Variants in PIGN observed in about 807,000 individuals in gnomAD.
PIGN encodes phosphatidylinositol glycan anchor biosynthesis class N, also known as GPI ethanolamine phosphate transferase 1.
In PIGN, 117 loss-of-function variants were observed where a neutral mutation model predicts 125.4. The observed-to-expected ratio is 0.93, with a 90% CI of 0.80 to 1.09. The LOEUF is 1.09. Among genes scored for constraint, PIGN ranks in the 50% least tolerant of loss-of-function variants. PIGN has a pLI of 0.00. For synonymous variants in PIGN, 392 were observed against 377.8 expected, an observed-to-expected ratio of 1.04 and a Z score of -0.44; for missense variants, 1,075 against 1,094.9, an observed-to-expected ratio of 0.98 and a Z score of 0.26.
chr18:62,019,243 C>G (rs1331728921), intron 23 of PIGN, among the ~76,000 whole-genome samples: 1 of 152,174 alleles, frequency 6.6e-6, no homozygotes, highest in Non-Finnish European at 1.5e-5. Context: ...CATTCCACCT[C>G]TTTGATACAA....
intron 30 of PIGN, among the ~76,000 whole-genome samples, chr18:62,047,708 A>AAGCCAGTT (rs1203537871): frequency 6.6e-6 from 1 of 152,200 alleles, no homozygotes; most frequent in Admixed American, 6.6e-5. Context: ...GGAATGTCAG[A>AAGCCAGTT]AGCCAGTTAA....
At chr18:62,055,315 A>G (rs1053181004) in intron 30 of PIGN, among the ~76,000 whole-genome samples, 4 of 152,244 alleles carry the variant, frequency 2.6e-5, no homozygotes, top group African/African-American at 9.6e-5. Context: ...TTACTCAGCA[A>G]TAAGAAGTAA....
chr18:62,045,704 G>T lies in PIGN; in HGVS notation c.*152C>A. 1 of 648,340 alleles carries T rather than the reference G, an allele frequency of 1.5e-6. No homozygotes were observed. The highest frequency in any genetic ancestry group is 2.5e-6 in the Non-Finnish European group (1 of 407,806). 40.2% of individuals were successfully genotyped at this position (648,340 alleles called of 1,614,324 possible). On this transcript the variant is annotated 3_prime_UTR_variant, in exon 31 of 31. Transcript: ENST00000640252. ...AAAAAAAAGAAGCTCCTTTGTTCCAGATAACCTGTCAATTCGGAATTCCAA... is the reference window on the plus strand; with the variant it reads ...AAAAAAAAGAAGCTCCTTTGTTCCATATAACCTGTCAATTCGGAATTCCAA...
At position 62,082,730 on chromosome 18, in the gene PIGN, A is replaced by C; in HGVS notation, c.2519T>G (p.Val840Gly). ...LMMWKILIPF[V>G]LVMCAFEAVQ... ...TGCTTCAAAAGCACACATAACAAGAACAAAGGGGATTAAAATCTGTAAAAG... is the reference window on the plus strand; with the variant it reads ...TGCTTCAAAAGCACACATAACAAGACCAAAGGGGATTAAAATCTGTAAAAG... Residue 840 changes from valine (V) to glycine (G), a missense_variant, in exon 28 of 31, where the codon GTT (valine) becomes GGT (glycine). By Grantham distance (109) the Val-to-Gly change is moderately radical. Around this residue, in one of 3 missense-constraint regions of PIGN, gnomAD observed 915 missense variants for 908.7 expected, o/e 1.01. Transcript: ENST00000640252. 1.3e-6 allele frequency: 2 copies of C among 1,544,602 alleles called. No homozygotes were observed. Among genetic ancestry groups the C allele is most frequent in the Non-Finnish European group, 8.8e-7 (1 of 1,136,054 alleles).
At chr18:62,146,920 A>G in intron 9 of PIGN, 51 bp downstream of exon 9, 1 of 1,571,648 alleles carries the variant, frequency 6.4e-7, no homozygotes, top group African/African-American at 1.3e-5. Context: ...TACCAGCTAC[A>G]TTTATCACTA....
At chr18:62,054,147 A>G (rs185430245) in intron 30 of PIGN, among the ~76,000 whole-genome samples, 1 of 152,186 alleles carries the variant, frequency 6.6e-6, no homozygotes, top group Admixed American at 6.6e-5. Context: ...CATCCCCCTG[A>G]AAGAGTGTAA....
chr18:62,040,329 G>T (rs1480230451), downstream of PIGN, among the ~76,000 whole-genome samples: 1 of 152,146 alleles, frequency 6.6e-6, no homozygotes, highest in African/African-American at 2.4e-5. Flanking sequence ...CCCATGCAGT[G>T]GTCATGTCTC....
chr18:62,178,426 T>C (rs2037602920), intron 1 of PIGN, among the ~76,000 whole-genome samples: 1 of 151,926 alleles, frequency 6.6e-6, no homozygotes, highest in Non-Finnish European at 1.5e-5. Flanking sequence ...ACCTAGAGAT[T>C]GTGTTCTTAA....
chr18:62,126,463 A>C (rs2035539206), intron 14 of PIGN, among the ~76,000 whole-genome samples: 1 of 152,192 alleles, frequency 6.6e-6, no homozygotes, highest in Non-Finnish European at 1.5e-5. Flanking sequence ...AACTATGATC[A>C]AGGAACATAA....
At chr18:62,119,802 A>G (rs890658614) in intron 14 of PIGN, among the ~76,000 whole-genome samples, 1 of 150,632 alleles carries the variant, frequency 6.6e-6, no homozygotes, top group African/African-American at 2.4e-5. Context: ...CAAGATCGTG[A>G]CACTGCACTC....
At chr18:62,096,800 C>T (rs1160571651) in intron 22 of PIGN, among the ~76,000 whole-genome samples, 6 of 133,916 alleles carry the variant, frequency 4.5e-5, no homozygotes, top group Non-Finnish European at 9.4e-5. Flanking sequence ...TTTGTTCTTG[C>T]GATAGTTTAC....
chr18:62,164,871 T>A (rs921362266), intron 1 of PIGN, among the ~76,000 whole-genome samples: 1 of 152,094 alleles, frequency 6.6e-6, no homozygotes, highest in Non-Finnish European at 1.5e-5. Context: ...AGAAAGAGAT[T>A]ATTGTTGATT....
Position 62,166,834 on chromosome 18 carries a change from G to A in PIGN, c.-235-3178C>T, listed in dbSNP as rs145301117. 2.0e-3 allele frequency among the ~76,000 whole-genome samples: 307 copies of A among 152,246 alleles called. 1 individual carries two copies. The highest frequency in any genetic ancestry group is 6.7e-3 in the African/African-American group (279 of 41,560). Reference sequence around the variant, plus strand: ...AAACAAATACCACATGTTCTCACTCGTGAGAGTTAAACAATGAGAACACAT... The same window carrying A: ...AAACAAATACCACATGTTCTCACTCATGAGAGTTAAACAATGAGAACACAT... On this transcript the variant is annotated intron_variant, in intron 1 of 30. Transcript: ENST00000640252.
chr18:62,024,174 C>T lies in PIGN; in HGVS notation c.2143-6433G>A, dbSNP rs117732758. The stretch of plus-strand genomic sequence containing the variant: ...AATTAATTCCTTTATTTTGGATATA[C>T]ATTGGATTTTTGAAACCCTACGAAC... On this transcript the variant is annotated intron_variant, in intron 23 of 24. Coordinates refer to the PIGN transcript ENST00000639600. Among the ~76,000 whole-genome samples, 828 of 152,306 alleles carry T rather than the reference C, an allele frequency of 5.4e-3. 3 individuals are homozygous for T. The highest frequency in any genetic ancestry group is 8.8e-3 in the Non-Finnish European group (602 of 68,024).
chr18:62,139,947 A>T (rs1388471873), intron 12 of PIGN, among the ~76,000 whole-genome samples: 2 of 152,200 alleles, frequency 1.3e-5, no homozygotes, highest in African/African-American at 2.4e-5. Context: ...ATATCTTTTC[A>T]ATAATTTCCC....
chr18:62,130,754 A>AT (rs1357412200), intron 14 of PIGN, among the ~76,000 whole-genome samples: 7 of 151,812 alleles, frequency 4.6e-5, no homozygotes, highest in Non-Finnish European at 1.0e-4. Flanking sequence ...TTTGTTACAA[A>AT]TTTTTTTTGC....
At chr18:62,040,086 G>A (rs188671485), downstream of PIGN, among the ~76,000 whole-genome samples, 12 of 90,442 alleles carry the variant, frequency 1.3e-4, no homozygotes, top group East Asian at 1.2e-3. Flanking sequence ...CGACGATGCC[G>A]CACCCCATGT....
chr18:62,160,008 G>A (rs984475600), intron 4 of PIGN, among the ~76,000 whole-genome samples: 4 of 152,194 alleles, frequency 2.6e-5, no homozygotes, highest in Non-Finnish European at 2.9e-5. Flanking sequence ...AGCTACTCGG[G>A]AGGCTGAGGC....
intron 1 of PIGN, among the ~76,000 whole-genome samples, chr18:62,176,893 T>C (rs1488932179): frequency 6.6e-6 from 1 of 152,026 alleles, no homozygotes; most frequent in East Asian, 1.9e-4. Context: ...TGAAGTTGAG[T>C]AAAGGGTGTA....
Sources: gnomAD v4.1 joint callset for allele counts (sites outside exome capture counted in the v4.1 genomes callset) on GRCh38, gnomAD v4.1.1 for gene constraint, gnomAD v4.1.1 regional missense constraint, MANE v1.5 for transcripts, NCBI Gene and HGNC (gene_info 2026-07-23, HGNC 2026-07-21) for gene names.